Variants in MEIS1 observed in about 807,000 individuals in gnomAD.
MEIS1 encodes homeobox protein Meis1.
In MEIS1, 5 loss-of-function variants were observed where a neutral mutation model predicts 50.8. The ratio of observed to expected loss-of-function variants is 0.10; its 90% CI spans 0.05 to 0.21. The LOEUF is 0.21. Ranked by LOEUF, MEIS1 falls within the 10% of genes least tolerant of loss-of-function variation. MEIS1 has a pLI of 1.00. For missense variants in MEIS1, 318 were observed against 517.3 expected, an observed-to-expected ratio of 0.61 and a Z score of 3.74; for synonymous variants, 176 against 179.3, an observed-to-expected ratio of 0.98 and a Z score of 0.15.
At chr2:66,542,281 G>A (rs1364094284) in intron 8 of MEIS1, among the ~76,000 whole-genome samples, 16 of 151,758 alleles carry the variant, frequency 1.1e-4, no homozygotes, top group Non-Finnish European at 4.4e-5. Context: ...CCATATGGTA[G>A]ATTTTTTTTT....
chr2:66,571,137 C>G (rs1183779941), intron 12 of MEIS1, 109 bp from the exon 13 acceptor site: 2 of 1,072,322 alleles, frequency 1.9e-6, no homozygotes, highest in East Asian at 5.3e-5. Context: ...AAACCATGTT[C>G]CCTTAATCAC....
intron 6 of MEIS1, among the ~76,000 whole-genome samples, chr2:66,463,278 G>A (rs1672561847): frequency 6.6e-6 from 1 of 151,540 alleles, no homozygotes; most frequent in African/African-American, 2.4e-5. Context: ...TTTGTATTTT[G>A]CATCATTCCT....
chr2:66,530,572 C>T (rs1050423600), intron 8 of MEIS1, among the ~76,000 whole-genome samples: 80 of 152,220 alleles, frequency 5.3e-4, no homozygotes, highest in African/African-American at 1.8e-3. Context: ...AAAAATTAGC[C>T]GGGCGTGGTG....
chr2:66,476,421 C>G (rs1275828563), intron 7 of MEIS1, among the ~76,000 whole-genome samples: 1 of 152,132 alleles, frequency 6.6e-6, no homozygotes, highest in Non-Finnish European at 1.5e-5. Context: ...GAGAAATATT[C>G]CCATTTATTA....
chr2:66,562,373 G>C (rs1015560114), intron 9 of MEIS1, among the ~76,000 whole-genome samples: 1 of 150,472 alleles, frequency 6.6e-6, no homozygotes, highest in African/African-American at 2.4e-5. Flanking sequence ...AATAAAAGGA[G>C]ATAGATGAAA....
chr2:66,532,223 A>G (rs547727307), intron 8 of MEIS1, among the ~76,000 whole-genome samples: 1 of 152,304 alleles, frequency 6.6e-6, no homozygotes, highest in Admixed American at 6.5e-5. Flanking sequence ...ATTCTCTACA[A>G]AATATTAAAC....
chr2:66,473,378 C>CAAAAAAAAAAAAAAA (rs71409174), intron 7 of MEIS1, among the ~76,000 whole-genome samples: 5 of 53,940 alleles, frequency 9.3e-5, no homozygotes, highest in East Asian at 5.1e-4. Context: ...GACTCCATGT[C>CAAAAAAAAAAAAAAA]AAAAAAAAAA....
At chr2:66,484,995 T>TG (rs1462050116) in intron 7 of MEIS1, among the ~76,000 whole-genome samples, 1 of 152,146 alleles carries the variant, frequency 6.6e-6, no homozygotes, top group Non-Finnish European at 1.5e-5. Context: ...AGATTTTTTT[T>TG]GGGGGGAAGT....
At chr2:66,570,030 T>C (rs958232275) in intron 12 of MEIS1, 1 of 152,244 alleles carries the variant, frequency 6.6e-6, no homozygotes, top group African/African-American at 2.4e-5. Flanking sequence ...TTACCCCTAA[T>C]AGCACTGTTC....
chr2:66,561,638 G>A (rs1675215089), intron 9 of MEIS1, among the ~76,000 whole-genome samples: 1 of 152,190 alleles, frequency 6.6e-6, no homozygotes, highest in Non-Finnish European at 1.5e-5. Context: ...TTAAGGGATA[G>A]TGTAGGTATA....
At chr2:66,506,805 C>T (rs1054760292) in intron 7 of MEIS1, among the ~76,000 whole-genome samples, 1 of 152,112 alleles carries the variant, frequency 6.6e-6, no homozygotes, top group South Asian at 2.1e-4. Flanking sequence ...TGAATTCTGG[C>T]TAACTAGACT....
intron 8 of MEIS1, among the ~76,000 whole-genome samples, chr2:66,546,684 T>C (rs1203528338): frequency 6.6e-6 from 1 of 152,226 alleles, no homozygotes; most frequent in Non-Finnish European, 1.5e-5. Context: ...AAAGGCACTA[T>C]ATTCCATGAA....
intron 7 of MEIS1, among the ~76,000 whole-genome samples, chr2:66,482,463 C>T (rs772047223): frequency 6.6e-6 from 1 of 152,098 alleles, no homozygotes; most frequent in African/African-American, 2.4e-5. Flanking sequence ...TAAGAAGTAA[C>T]CTAGTAACTG....
intron 6 of MEIS1, among the ~76,000 whole-genome samples, chr2:66,446,718 A>G (rs763226941): frequency 6.6e-6 from 1 of 152,200 alleles, no homozygotes; most frequent in Non-Finnish European, 1.5e-5. Context: ...GCTTGCAGTT[A>G]TGGAACCAGA....
chr2:66,548,051 T>G lies in MEIS1; in HGVS notation c.965+32T>G, dbSNP rs76478785. 7.1e-4 allele frequency: 1,145 copies of G among 1,605,004 alleles called. 14 individuals are homozygous for G. The African/African-American group carries it at 0.014, about 19-fold the overall frequency. On this transcript the variant is annotated intron_variant, in intron 9 of 12. Transcript: ENST00000272369. ...AATTTGGCTTTGTGTTTACACACAA[T>G]CTGTTTCCCCCTCTGGCAACCTGCA...
intron 9 of MEIS1, among the ~76,000 whole-genome samples, chr2:66,565,441 T>TA (rs1675323890): frequency 6.6e-6 from 1 of 152,186 alleles, no homozygotes; most frequent in African/African-American, 2.4e-5. Context: ...CAGCTAATTT[T>TA]TATATATCTA....
At chr2:66,497,221 T>C (rs1157046492) in intron 7 of MEIS1, among the ~76,000 whole-genome samples, 1 of 152,204 alleles carries the variant, frequency 6.6e-6, no homozygotes, top group East Asian at 1.9e-4. Flanking sequence ...AGGGTAGTGG[T>C]AGAATGGTTA....
intron 1 of MEIS1, among the ~76,000 whole-genome samples, 192 bp downstream of exon 1, chr2:66,436,060 A>G (rs114427363): frequency 0.016 from 2,379 of 152,294 alleles, 46 homozygotes; most frequent in Non-Finnish European, 0.02. Context: ...GTTGTTAATT[A>G]AAGGAATCTA....
At chr2:66,554,596 C>A (rs1045213822) in intron 9 of MEIS1, among the ~76,000 whole-genome samples, 2 of 152,186 alleles carry the variant, frequency 1.3e-5, no homozygotes, top group African/African-American at 4.8e-5. Flanking sequence ...CATCCCTACT[C>A]CTTGGATTTG....
Sources: allele counts gnomAD v4.1 joint callset (sites outside exome capture counted in the v4.1 genomes callset), GRCh38; gene constraint gnomAD v4.1.1; transcripts MANE v1.5; gene names NCBI Gene and HGNC (gene_info 2026-07-23, HGNC 2026-07-21).